GRM8: variants seen among roughly 807,000 people sequenced by gnomAD.
GRM8 encodes the protein metabotropic glutamate receptor 8.
GRM8 carries 47 observed loss-of-function variants against 87.2 expected under a neutral mutation model. The ratio of observed to expected loss-of-function variants is 0.54; its 90% confidence interval spans 0.43 to 0.69. GRM8 has a LOEUF of 0.69. Among genes scored for constraint, GRM8 ranks in the 30% least tolerant of loss-of-function variants. The pLI, the probability that GRM8 is intolerant of heterozygous loss-of-function variation, is 0.00. For synonymous variants in GRM8, 396 were observed against 404.5 expected (o/e 0.98, Z 0.25); for missense variants, 1,019 against 1,139.2 (o/e 0.89, Z 1.52).
At chr7:127,046,387 T>TA (rs150530710) in intron 3 of GRM8, among the ~76,000 whole-genome samples, 10,727 of 148,188 alleles carry the variant, frequency 0.072, 513 homozygotes, top group South Asian at 0.12. Flanking sequence ...AAATAAAAAA[T>TA]AAAAAAAAAA....
At chr7:127,236,743 T>C (rs905536984) in intron 2 of GRM8, among the ~76,000 whole-genome samples, 1 of 152,220 alleles carries the variant, frequency 6.6e-6, no homozygotes, top group African/African-American at 2.4e-5. Flanking sequence ...ATTATACTTC[T>C]TTCCTATCTA....
intron 8 of GRM8, among the ~76,000 whole-genome samples, chr7:126,556,483 C>T (rs1793157646): frequency 6.6e-6 from 1 of 151,606 alleles, no homozygotes; most frequent in South Asian, 2.1e-4. Flanking sequence ...CCCGTCTCTA[C>T]TAAAAATACA....
intron 7 of GRM8, among the ~76,000 whole-genome samples, chr7:126,738,528 G>C (rs1027081920): frequency 4.1e-5 from 6 of 146,256 alleles, no homozygotes; most frequent in African/African-American, 1.5e-4. Flanking sequence ...GAAGAAATAG[G>C]TGTGAAGTGA....
chr7:127,126,739 T>C (rs1456408361), intron 2 of GRM8, among the ~76,000 whole-genome samples: 1 of 151,944 alleles, frequency 6.6e-6, no homozygotes, highest in African/African-American at 2.4e-5. Flanking sequence ...AATTAACAAA[T>C]TGGAATTCAC....
intron 7 of GRM8, among the ~76,000 whole-genome samples, chr7:126,651,228 C>T (rs1489796706): frequency 6.6e-6 from 1 of 152,124 alleles, no homozygotes; most frequent in South Asian, 2.1e-4. Flanking sequence ...CACTTTGTGG[C>T]CAAAGAAGTG....
At chr7:126,909,103 T>C (rs1406099528) in intron 3 of GRM8, among the ~76,000 whole-genome samples, 8 of 152,160 alleles carry the variant, frequency 5.3e-5, no homozygotes, top group Non-Finnish European at 7.4e-5. Flanking sequence ...TATGATATAA[T>C]TGAATGACAA....
rs114740769 is a variant in GRM8 at position 127,246,233 on chromosome 7, T to C, written c.-311-2718A>G. On this transcript the variant is annotated intron_variant, in intron 1 of 10. Coordinates refer to ENST00000339582, the MANE Select transcript of GRM8 (RefSeq NM_000845.3). ...TCATTGTATAATCTTAAATTACTTA[T>C]CTTGCTCTTGTACAATTCTTGTGAG... Among the ~76,000 whole-genome samples the C allele has an allele frequency of 4.4e-3, 677 of 152,372 alleles. 6 individuals carry two copies. Among genetic ancestry groups the C allele is most frequent in the African/African-American group, 0.016 (645 of 41,586 alleles).
intron 7 of GRM8, among the ~76,000 whole-genome samples, chr7:126,740,481 A>C (rs1048733822): frequency 6.6e-6 from 1 of 152,144 alleles, no homozygotes; most frequent in Non-Finnish European, 1.5e-5. Flanking sequence ...TACTTTATGC[A>C]TAATTTATAT....
chr7:126,747,085 C>T (rs1024916670), intron 7 of GRM8, among the ~76,000 whole-genome samples: 1 of 151,742 alleles, frequency 6.6e-6, no homozygotes, highest in African/African-American at 2.4e-5. Context: ...TGGTGCCCTC[C>T]CAACACTATA....
At chr7:127,029,189 C>A (rs564712988) in intron 3 of GRM8, among the ~76,000 whole-genome samples, 1 of 152,032 alleles carries the variant, frequency 6.6e-6, no homozygotes, top group African/African-American at 2.4e-5. Context: ...GATTGAACTG[C>A]GGTCGGACAG....
chr7:127,071,261 C>T (rs998400852), intron 3 of GRM8, among the ~76,000 whole-genome samples: 2 of 152,130 alleles, frequency 1.3e-5, no homozygotes, highest in Non-Finnish European at 2.9e-5. Context: ...AAAACGGAAT[C>T]ACAAAAGATT....
At chr7:126,708,612 G>A (rs111586741) in intron 7 of GRM8, among the ~76,000 whole-genome samples, 5,749 of 151,276 alleles carry the variant, frequency 0.038, 387 homozygotes, top group African/African-American at 0.13. Context: ...TATGGAGGCT[G>A]AATAGTACAT....
At chr7:126,870,567 T>C (rs1799005964) in intron 6 of GRM8, 1 of 152,130 alleles carries the variant, frequency 6.6e-6, no homozygotes, top group African/African-American at 2.4e-5. Flanking sequence ...TCCAATATTA[T>C]TGTGGCTCAG....
At chr7:126,977,637 C>T (rs1262438251) in intron 3 of GRM8, among the ~76,000 whole-genome samples, 2 of 152,174 alleles carry the variant, frequency 1.3e-5, no homozygotes, top group African/African-American at 4.8e-5. Context: ...GAGCTGAGTG[C>T]CCAGACTGTG....
intron 6 of GRM8, among the ~76,000 whole-genome samples, chr7:126,839,697 A>G (rs564476377): frequency 1.3e-5 from 2 of 152,288 alleles, no homozygotes; most frequent in African/African-American, 4.8e-5. Flanking sequence ...CACTTTGTGC[A>G]TTTTGGTTTG....
At chr7:126,759,654 C>A (rs966181581) in intron 7 of GRM8, among the ~76,000 whole-genome samples, 8 of 152,096 alleles carry the variant, frequency 5.3e-5, no homozygotes, top group Admixed American at 5.2e-4. Context: ...CAAACTAATC[C>A]TTATATGTAG....
chr7:126,732,353 T>A (rs944992575), intron 7 of GRM8, among the ~76,000 whole-genome samples: 1 of 152,100 alleles, frequency 6.6e-6, no homozygotes, highest in African/African-American at 2.4e-5. Flanking sequence ...AGCAAATATC[T>A]CTAAGTCATT....
At chr7:127,142,527 A>G (rs574918350) in intron 2 of GRM8, among the ~76,000 whole-genome samples, 1 of 152,214 alleles carries the variant, frequency 6.6e-6, no homozygotes, top group Non-Finnish European at 1.5e-5. Context: ...TCCCTCAATA[A>G]ATGTACTCAA....
intron 3 of GRM8, among the ~76,000 whole-genome samples, chr7:126,940,180 C>T (rs1806759144): frequency 6.6e-6 from 1 of 152,214 alleles, no homozygotes; most frequent in African/African-American, 2.4e-5. Context: ...CCCCCACCTG[C>T]AATTCCAATT....
Sources: gnomAD v4.1 joint callset for allele counts (sites outside exome capture counted in the v4.1 genomes callset) on GRCh38, gnomAD v4.1.1 for gene constraint, MANE v1.5 for transcripts, NCBI Gene and HGNC (gene_info 2026-07-23, HGNC 2026-07-21) for gene names.